SHLD2: variants seen among roughly 807,000 people sequenced by gnomAD.
SHLD2 encodes RINN1-REV7-interacting novel NHEJ regulator 2.
SHLD2 carries 30 observed loss-of-function variants against 73.2 expected under a neutral mutation model. That is an observed-to-expected ratio of 0.41 (90% CI 0.31 to 0.56). The LOEUF (loss-of-function observed/expected upper bound fraction) is 0.56, where lower values mean the gene tolerates loss of function less well. Among genes scored for constraint, SHLD2 ranks in the 20% least tolerant of loss-of-function variants. The pLI, the probability that SHLD2 is intolerant of heterozygous loss-of-function variation, is 0.28. For synonymous variants in SHLD2, 285 were observed against 370.1 expected (o/e 0.77, Z 2.64); for missense variants, 745 against 1,055.9 (o/e 0.71, Z 4.08).
intron 9 of SHLD2, 58 bp from the exon 10 acceptor site, chr10:87,190,426 G>A (rs1848991693): frequency 1.5e-6 from 2 of 1,345,980 alleles, no homozygotes; most frequent in Non-Finnish European, 2.1e-6. Context: ...CATTCAATGT[G>A]TGTGCTCCTG....
chr10:87,178,770 TGTG>T (rs941807935), intron 7 of SHLD2, among the ~76,000 whole-genome samples: 1 of 152,196 alleles, frequency 6.6e-6, no homozygotes, highest in Non-Finnish European at 1.5e-5. Context: ...TTTGGAAAGA[TGTG>T]GTATTGAATC....
chr10:87,102,022 T>C (rs991806024), intron 2 of SHLD2, among the ~76,000 whole-genome samples: 12 of 151,974 alleles, frequency 7.9e-5, no homozygotes, highest in Non-Finnish European at 1.6e-4. Flanking sequence ...AGTTTTTCTT[T>C]TTTTGTTTCC....
At position 87,147,866 on chromosome 10, in the gene SHLD2, A is replaced by G. The variant is rs1589562394; in HGVS notation, c.-5-3484A>G. On this transcript the variant is annotated intron_variant, in intron 2 of 9. Transcript: ENST00000298786. ...TCCTTTTAATCCTGTAGTAGCTCCTATCACTTTTTTTTTTTTTTTGAGACA... is the reference window on the plus strand; with the variant it reads ...TCCTTTTAATCCTGTAGTAGCTCCTGTCACTTTTTTTTTTTTTTTGAGACA... Among the ~76,000 whole-genome samples, 3 of 149,394 alleles carry G rather than the reference A, an allele frequency of 2.0e-5. No individual in the cohort carries two copies. In the South Asian group the frequency reaches 6.3e-4, roughly 31 times the overall value.
At chr10:87,180,389 A>G (rs1158263879) in intron 8 of SHLD2, 86 bp downstream of exon 8, 2 of 1,510,656 alleles carry the variant, frequency 1.3e-6, no homozygotes, top group Non-Finnish European at 1.8e-6. Context: ...CTTTCTAAAA[A>G]TAATTAACTA....
At chr10:87,188,598 G>A (rs1242710891) in intron 9 of SHLD2, among the ~76,000 whole-genome samples, 1 of 152,146 alleles carries the variant, frequency 6.6e-6, no homozygotes, top group East Asian at 1.9e-4. Context: ...TTATGTTGCT[G>A]ACACTGGCAG....
At chr10:87,123,189 G>A (rs1484653519) in intron 2 of SHLD2, among the ~76,000 whole-genome samples, 3 of 152,238 alleles carry the variant, frequency 2.0e-5, no homozygotes, top group Non-Finnish European at 2.9e-5. Context: ...TTACAGGCAT[G>A]AGTCCCAATA....
chr10:87,111,658 A>T (rs1228697635), intron 2 of SHLD2, among the ~76,000 whole-genome samples: 2 of 150,408 alleles, frequency 1.3e-5, no homozygotes, highest in Non-Finnish European at 3.0e-5. Flanking sequence ...AAAAAAAAAA[A>T]AAAGAAGTGG....
intron 2 of SHLD2, among the ~76,000 whole-genome samples, chr10:87,136,164 C>G (rs996743861): frequency 6.6e-6 from 1 of 151,666 alleles, no homozygotes; most frequent in African/African-American, 2.4e-5. Flanking sequence ...CTTATTATTG[C>G]TTTATTTATT....
intron 4 of SHLD2, 152 bp from the exon 5 acceptor site, chr10:87,170,326 C>G (rs1847503947): frequency 1.9e-6 from 1 of 531,434 alleles, no homozygotes; most frequent in South Asian, 3.7e-5. Context: ...TGATTCAAGA[C>G]TTAGCTATTG....
At chr10:87,113,120 G>A (rs751029459) in intron 2 of SHLD2, among the ~76,000 whole-genome samples, 1 of 152,146 alleles carries the variant, frequency 6.6e-6, no homozygotes. Flanking sequence ...GAGGTTGGAA[G>A]TAGAAGACCA....
intron 2 of SHLD2, among the ~76,000 whole-genome samples, chr10:87,113,193 T>A (rs889453997): frequency 3.9e-5 from 6 of 152,048 alleles, no homozygotes; most frequent in South Asian, 4.2e-4. Flanking sequence ...ACATGGTGGC[T>A]CATGCCTGTA....
intron 2 of SHLD2, among the ~76,000 whole-genome samples, chr10:87,120,932 C>T (rs9420446): frequency 0.13 from 19,767 of 151,790 alleles, 2,152 homozygotes; most frequent in East Asian, 0.63. Context: ...TACCTGTAAT[C>T]CCAGCTACTT....
At chr10:87,127,522 C>CTTTT (rs1319661071) in intron 2 of SHLD2, among the ~76,000 whole-genome samples, 1 of 66,980 alleles carries the variant, frequency 1.5e-5, no homozygotes, top group Non-Finnish European at 2.7e-5. Context: ...TTTTGTCCCT[C>CTTTT]TTACCCGCCC....
chr10:87,118,934 C>T (rs1324546783), intron 2 of SHLD2, among the ~76,000 whole-genome samples: 1 of 152,084 alleles, frequency 6.6e-6, no homozygotes, highest in Admixed American at 6.6e-5. Flanking sequence ...TTGTTTCTTC[C>T]TCTAAAAAGA....
At chr10:87,168,585 T>A (rs1847366469) in intron 4 of SHLD2, among the ~76,000 whole-genome samples, 1 of 109,360 alleles carries the variant, frequency 9.1e-6, no homozygotes, top group Non-Finnish European at 2.0e-5. Flanking sequence ...GGCAATAGAG[T>A]GACACCTTGT....
At chr10:87,181,673 TACC>T (rs1848321849) in intron 8 of SHLD2, among the ~76,000 whole-genome samples, 1 of 151,646 alleles carries the variant, frequency 6.6e-6, no homozygotes, top group East Asian at 1.9e-4. Flanking sequence ...TCCTAAACTA[TACC>T]ACATTAAAGA....
intron 2 of SHLD2, among the ~76,000 whole-genome samples, chr10:87,123,528 A>G (rs952657548): frequency 2.0e-5 from 3 of 152,176 alleles, no homozygotes; most frequent in Non-Finnish European, 2.9e-5. Flanking sequence ...TGAGTTCTAT[A>G]TTTACACAGC....
At chr10:87,129,805 A>C (rs984025197) in intron 2 of SHLD2, among the ~76,000 whole-genome samples, 1 of 151,720 alleles carries the variant, frequency 6.6e-6, no homozygotes, top group Non-Finnish European at 1.5e-5. Context: ...GATTTTTAGT[A>C]GACAAGGTCT....
intron 8 of SHLD2, among the ~76,000 whole-genome samples, chr10:87,183,626 C>G: frequency 6.6e-6 from 1 of 152,142 alleles, no homozygotes; most frequent in Non-Finnish European, 1.5e-5. Context: ...AATATACTCT[C>G]TCTCCCCTAT....
Sources: allele counts gnomAD v4.1 joint callset (sites outside exome capture counted in the v4.1 genomes callset), GRCh38; gene constraint gnomAD v4.1.1; transcripts MANE v1.5; gene names NCBI Gene and HGNC (gene_info 2026-07-23, HGNC 2026-07-21).